Variants in CNBP observed in about 807,000 individuals in gnomAD.
CNBP encodes the protein CCHC-type zinc finger nucleic acid binding protein, also known as cellular nucleic acid-binding protein.
In CNBP, 6 loss-of-function variants were observed where a neutral mutation model predicts 21.2. That is an observed-to-expected ratio of 0.28 (90% CI 0.16 to 0.56). CNBP has a LOEUF of 0.56. Among genes scored for constraint, CNBP ranks in the 20% least tolerant of loss-of-function variants. CNBP has a pLI of 0.93. For synonymous variants in CNBP, 61 were observed against 74.9 expected, an observed-to-expected ratio of 0.81 and a Z score of 0.96; for missense variants, 112 against 233.1, an observed-to-expected ratio of 0.48 and a Z score of 3.38.
At chr3:129,176,129 G>C (rs114536770) in intron 1 of CNBP, among the ~76,000 whole-genome samples, 60 of 152,256 alleles carry the variant, frequency 3.9e-4, no homozygotes, top group African/African-American at 1.4e-3. Context: ...AGAATTCCAT[G>C]ATATTCCTTA....
At position 129,168,744 on chromosome 3, in the gene CNBP, T is replaced by C. The variant is rs904440678; in HGVS notation, c.*1709A>G. Reference sequence around the variant, plus strand: ...TGGGGGGCGGGGCAGGTGGATCACCTGAGGTCAGGAGTTGGAGACCAGCCC... The same window carrying C: ...TGGGGGGCGGGGCAGGTGGATCACCCGAGGTCAGGAGTTGGAGACCAGCCC... On this transcript the variant is annotated 3_prime_UTR_variant, in exon 5 of 5. Transcript: ENST00000422453. 6.6e-6 allele frequency among the ~76,000 whole-genome samples: 1 copy of C among 151,544 alleles called. No individual in the cohort carries two copies. Among genetic ancestry groups the C allele is most frequent in the African/African-American group, 2.4e-5 (1 of 41,194 alleles).
chr3:129,178,662 T>G (rs944355287), intron 1 of CNBP, among the ~76,000 whole-genome samples: 1 of 152,198 alleles, frequency 6.6e-6, no homozygotes, highest in Non-Finnish European at 1.5e-5. Context: ...TACTGGAGCT[T>G]TTGCCCTCTG....
rs1226753570 is a variant in CNBP, at chr3:129,183,847, G to A, written c.-86C>T. The A allele has an allele frequency of 6.5e-6, 1 of 152,874 alleles. No homozygotes were observed. The highest frequency in any genetic ancestry group is 2.4e-5 in the African/African-American group (1 of 41,476). 9.5% of individuals were successfully genotyped at this position (152,874 alleles called of 1,614,324 possible). On this transcript the variant is annotated 5_prime_UTR_variant, in exon 1 of 5. Transcript: ENST00000422453. ...CCTGGGGAAGACGGCTCGCAAGGTAGAGGCTGTTTATTTTGAGGGTCCTTG... is the reference window on the plus strand; with the variant it reads ...CCTGGGGAAGACGGCTCGCAAGGTAAAGGCTGTTTATTTTGAGGGTCCTTG...
chr3:129,181,442 AG>A (rs1365156252), intron 1 of CNBP, among the ~76,000 whole-genome samples: 3 of 151,136 alleles, frequency 2.0e-5, no homozygotes, highest in Admixed American at 6.6e-5. Flanking sequence ...TCACAAGGTC[AG>A]GAGTTCGAGA....
chr3:129,174,598 G>A (rs1328222425), intron 1 of CNBP, among the ~76,000 whole-genome samples: 1 of 150,550 alleles, frequency 6.6e-6, no homozygotes, highest in African/African-American at 2.4e-5. Context: ...CCGGGAGGTG[G>A]AGGTTGTTGC....
At chr3:129,171,931 T>A (rs1057507354) in intron 1 of CNBP, among the ~76,000 whole-genome samples, 160 bp from the exon 2 acceptor site, 1 of 151,850 alleles carries the variant, frequency 6.6e-6, no homozygotes, top group African/African-American at 2.4e-5. Context: ...AGTAATCCCA[T>A]CACTTTGGGA....
rs1218511429 is a variant in CNBP at position 129,169,532 on chromosome 3, A to C, written c.*921T>G. ...TTTAATATGGTATTTTGCACTATATACATTAATGAAAATTTGAAACAAACA... is the reference window on the plus strand; with the variant it reads ...TTTAATATGGTATTTTGCACTATATCCATTAATGAAAATTTGAAACAAACA... On this transcript the variant is annotated 3_prime_UTR_variant, in exon 5 of 5. Transcript: ENST00000422453. 1 of 203,408 alleles carries C rather than the reference A, an allele frequency of 4.9e-6. No homozygotes were observed. Among genetic ancestry groups the C allele is most frequent in the Admixed American group, 6.0e-5 (1 of 16,736 alleles). The allele number at this position is 203,408 out of a possible 1,614,324, so 12.6% of individuals were successfully genotyped here. A position where few individuals can be genotyped will look rare whatever the true frequency, so the allele number is the denominator to read the frequency against.
chr3:129,180,201 T>C (rs901294674), intron 1 of CNBP, among the ~76,000 whole-genome samples: 2 of 152,116 alleles, frequency 1.3e-5, no homozygotes, highest in Non-Finnish European at 2.9e-5. Flanking sequence ...GCCACGCACA[T>C]TTGAATTGTA....
chr3:129,173,937 T>C (rs527732718), intron 1 of CNBP, among the ~76,000 whole-genome samples: 7 of 152,314 alleles, frequency 4.6e-5, no homozygotes, highest in African/African-American at 1.4e-4. Context: ...CCACTTTCAG[T>C]AACTGTTTAA....
rs1192761596 is a variant in CNBP at position 129,169,503 on chromosome 3, CCT to C, written c.*948_*949del. The C allele has an allele frequency of 9.9e-6, 2 of 201,434 alleles. No homozygotes were observed. The highest frequency in any genetic ancestry group is 2.0e-5 in the Non-Finnish European group (2 of 97,842). 12.5% of individuals were successfully genotyped at this position (201,434 alleles called of 1,614,324 possible). A position where few individuals can be genotyped will look rare whatever the true frequency, so the allele number is the denominator to read the frequency against. ...GTCAGCTTTCAGTCCTCCACATTCCCCTCTTTAATATGGTATTTTGCACTATA... is the reference window on the plus strand; with the variant it reads ...GTCAGCTTTCAGTCCTCCACATTCCCCTTTAATATGGTATTTTGCACTATA... On this transcript the variant is annotated 3_prime_UTR_variant, in exon 5 of 5. Transcript: ENST00000422453.
In CNBP at chr3:129,168,409, AAC is replaced by A. The variant is rs1318229846; in HGVS notation, c.*2042_*2043del. Among the ~76,000 whole-genome samples the A allele has an allele frequency of 6.6e-6, 1 of 151,790 alleles. No homozygotes were observed. Among genetic ancestry groups the A allele is most frequent in the African/African-American group, 2.4e-5 (1 of 41,312 alleles). ...GCAACAGTTGGAGACCAGCCTGACC[AAC>A]ACAGTGAAACCCCATCTCTACTAAA... On this transcript the variant is annotated 3_prime_UTR_variant, in exon 5 of 5. Transcript: ENST00000422453.
At chr3:129,183,461 C>A (rs1039109348) in intron 1 of CNBP, among the ~76,000 whole-genome samples, 5 of 152,248 alleles carry the variant, frequency 3.3e-5, no homozygotes, top group Non-Finnish European at 7.3e-5. Flanking sequence ...GGGCCTCGGC[C>A]CCAAGGGCGC....
intron 3 of CNBP, 55 bp downstream of exon 3, chr3:129,171,391 G>T (rs967611093): frequency 6.3e-7 from 1 of 1,583,648 alleles, no homozygotes. Flanking sequence ...ACAGTTGCAT[G>T]TGCTCACCTC....
chr3:129,180,174 A>G (rs1672810610), intron 1 of CNBP, among the ~76,000 whole-genome samples: 1 of 151,996 alleles, frequency 6.6e-6, no homozygotes, highest in African/African-American at 2.4e-5. Flanking sequence ...TATATCTAGT[A>G]ACTAAGAAAA....
intron 1 of CNBP, among the ~76,000 whole-genome samples, chr3:129,181,831 C>G (rs961101899): frequency 2.0e-5 from 3 of 151,752 alleles, no homozygotes; most frequent in African/African-American, 7.3e-5. Context: ...GAGATGAAAT[C>G]GGAAAAACTT....
rs1454774753 is a variant in CNBP at position 129,168,937 on chromosome 3, A to C, written c.*1516T>G. Among the ~76,000 whole-genome samples the C allele has an allele frequency of 8.9e-4, 38 of 42,484 alleles. No homozygotes were observed. The highest frequency in any genetic ancestry group is 1.7e-3 in the African/African-American group (38 of 22,056). The allele number at this position is 42,484 out of a possible 152,430, so 27.9% of individuals were successfully genotyped here. On this transcript the variant is annotated 3_prime_UTR_variant, in exon 5 of 5. Transcript: ENST00000422453. ...CCGTGAAACCCCGTCTTTACTAAAAATACAAAAAAAAAAAATTAGCTGGGC... is the reference window on the plus strand; with the variant it reads ...CCGTGAAACCCCGTCTTTACTAAAACTACAAAAAAAAAAAATTAGCTGGGC...
rs549669948 is a variant in CNBP, at chr3:129,169,890, G to A, written c.*563C>T. The A allele has an allele frequency of 8.7e-6, 2 of 230,550 alleles. No individual in the cohort carries two copies. The highest frequency in any genetic ancestry group is 1.8e-4 in the South Asian group (1 of 5,540). 14.3% of individuals were successfully genotyped at this position (230,550 alleles called of 1,614,324 possible). On this transcript the variant is annotated 3_prime_UTR_variant, in exon 5 of 5. Coordinates refer to ENST00000422453, the MANE Select transcript of CNBP (RefSeq NM_003418.5). ...ATGTGTCCAACATCAACACTGTGAT[G>A]AAGTTGTTCCTGTTTAGGCTTTTAT...
In CNBP at chr3:129,179,984, C is replaced by T. The variant is rs903176243; in HGVS notation, c.-15+3792G>A. ...TCCTGCCATTGCACTCCCGCCTGGG[C>T]GACAGAGCAAGACTTTGTCTCCAAA... is the stretch of plus-strand genomic sequence containing the variant. On this transcript the variant is annotated intron_variant, in intron 1 of 4. Transcript: ENST00000422453. 7.9e-5 allele frequency among the ~76,000 whole-genome samples: 12 copies of T among 151,234 alleles called. No homozygotes were observed. In the South Asian group the frequency reaches 2.3e-3, roughly 29 times the overall value.
Position 129,170,378 on chromosome 3 carries a change from T to C in CNBP, c.*75A>G, listed in dbSNP as rs911240822. 26 of 1,274,412 alleles carry C rather than the reference T, an allele frequency of 2.0e-5. No homozygotes were observed. In the African/African-American group the frequency reaches 3.1e-4, roughly 15 times the overall value. The allele number at this position is 1,274,412 out of a possible 1,614,324, so 78.9% of individuals were successfully genotyped here. On this transcript the variant is annotated 3_prime_UTR_variant, in exon 5 of 5. Transcript: ENST00000422453. ...GGGAGTTGCCTCTATCTGCCAACCT[T>C]TGGCCAGTGAAGAGGATTCAGAGAA...
Sources: gnomAD v4.1 joint callset for allele counts (sites outside exome capture counted in the v4.1 genomes callset) on GRCh38, gnomAD v4.1.1 for gene constraint, MANE v1.5 for transcripts, NCBI Gene and HGNC (gene_info 2026-07-23, HGNC 2026-07-21) for gene names.